Variants in TBCD observed in about 807,000 individuals in gnomAD.
The protein encoded by TBCD is tubulin folding cofactor D.
A neutral mutation model predicts 169.3 loss-of-function variants in TBCD; 105 were observed. That is an observed-to-expected ratio of 0.62 (90% confidence interval 0.53 to 0.73). The LOEUF is 0.73. TBCD is among the 30% of genes least tolerant of loss of function. The pLI is 0.00. For synonymous variants in TBCD, 700 were observed against 643.9 expected (o/e 1.09, Z -1.32); for missense variants, 1,444 against 1,600.1 (o/e 0.90, Z 1.66).
chr17:82,843,031 C>T (rs565598808), intron 13 of TBCD, among the ~76,000 whole-genome samples: 30 of 152,164 alleles, frequency 2.0e-4, no homozygotes, highest in South Asian at 2.1e-4. Flanking sequence ...CCGCCCGCCT[C>T]GGCCTCCCAA....
chr17:82,859,546 A>G (rs2056594579), intron 13 of TBCD: 1 of 985,406 alleles, frequency 1.0e-6, no homozygotes. Flanking sequence ...CAGACACACA[A>G]GCTGTGACTT....
At chr17:82,937,881 C>T in intron 35 of TBCD, 168 bp from the exon 36 acceptor site, 1 of 1,518,956 alleles carries the variant, frequency 6.6e-7, no homozygotes, top group East Asian at 2.5e-5. Context: ...TGTGTAGGCA[C>T]AGTGCAGATG....
chr17:82,787,208 T>TAA (rs1313609222), intron 7 of TBCD, among the ~76,000 whole-genome samples: 22 of 152,244 alleles, frequency 1.4e-4, no homozygotes, highest in African/African-American at 5.1e-4. Flanking sequence ...TCCTGCCGTT[T>TAA]AGGGCAGAGC....
In TBCD at chr17:82,929,795, G is replaced by A. The variant is rs578098065; in HGVS notation, c.2991+295G>A. On this transcript the variant is annotated intron_variant, in intron 32 of 38. Transcript: ENST00000355528. ...CTCGGGGTTCAATCCTCCAGGACCT[G>A]TGTCTGATGCCTGCATGTGGGTACC... The A allele has an allele frequency of 6.1e-4, 331 of 540,612 alleles. 5 individuals are homozygous for A. The South Asian group carries it at 6.5e-3, about 11-fold the overall frequency. 33.5% of individuals were successfully genotyped at this position (540,612 alleles called of 1,614,324 possible). A position where few individuals can be genotyped will look rare whatever the true frequency, so the allele number is the denominator to read the frequency against.
Position 82,945,891 on chromosome 17 carries a change from A to T in TBCD, c.*3428A>T, listed in dbSNP as rs1438284572. 2.0e-5 allele frequency: 3 copies of T among 152,256 alleles called. No individual in the cohort carries two copies. The highest frequency in any genetic ancestry group is 4.4e-5 in the Non-Finnish European group (3 of 68,050). 9.4% of individuals were successfully genotyped at this position (152,256 alleles called of 1,614,324 possible). On this transcript the variant is annotated 3_prime_UTR_variant, in exon 39 of 39. Coordinates refer to ENST00000355528, the MANE Select transcript of TBCD (RefSeq NM_005993.5). ...GGAGGAATGTGGAGCAAGGGAAGCA[A>T]TAAACTGTGACCATAAAAACATAGA...
intron 11 of TBCD, among the ~76,000 whole-genome samples, chr17:82,808,660 G>A (rs2051190571): frequency 1.4e-5 from 2 of 143,104 alleles, no homozygotes; most frequent in African/African-American, 5.2e-5. Context: ...GACAAGGCAG[G>A]TGGAGGGGCT....
intron 15 of TBCD, among the ~76,000 whole-genome samples, chr17:82,887,490 C>G (rs181988395): frequency 5.9e-4 from 90 of 152,262 alleles, no homozygotes; most frequent in African/African-American, 2.1e-3. Flanking sequence ...TGGTTTGCTG[C>G]TTCTGTTGCT....
At chr17:82,753,357 G>A (rs2047217627) in intron 1 of TBCD, among the ~76,000 whole-genome samples, 1 of 151,826 alleles carries the variant, frequency 6.6e-6, no homozygotes, top group Non-Finnish European at 1.5e-5. Context: ...TGCCTCTCGT[G>A]CAGAACTGTT....
intron 13 of TBCD, chr17:82,830,445 C>T (rs1223059446): frequency 7.4e-6 from 12 of 1,612,180 alleles, no homozygotes; most frequent in Non-Finnish European, 1.0e-5. Context: ...TGCTGTCCAC[C>T]GCGCATGCGT....
chr17:82,839,372 C>T (rs1037557561), intron 13 of TBCD, among the ~76,000 whole-genome samples: 1 of 151,970 alleles, frequency 6.6e-6, no homozygotes, highest in Non-Finnish European at 1.5e-5. Context: ...ACCCTAAATT[C>T]AGCCTAATGT....
chr17:82,849,589 C>T (rs1357016781), intron 13 of TBCD, among the ~76,000 whole-genome samples: 2 of 152,186 alleles, frequency 1.3e-5, no homozygotes, highest in South Asian at 2.1e-4. Flanking sequence ...AAGTAAGAAC[C>T]GCGTGGCACT....
In TBCD at chr17:82,809,713, G is replaced by C. The variant is rs2051287469; in HGVS notation, c.1154G>C (p.Gly385Ala). 5 of 1,612,972 alleles carry C rather than the reference G, an allele frequency of 3.1e-6. No homozygotes were observed. Among genetic ancestry groups the C allele is most frequent in the Non-Finnish European group, 4.2e-6 (5 of 1,179,446 alleles). The part of the protein sequence containing the change: ...VVRWSAAKGI[G>A]RMAGRLPRAL... ...TTGCTGCGTTTCTCTTTCAGCATCG[G>C]TAGGATGGCTGGCAGGCTTCCCAGA... Residue 385 changes from glycine (G) to alanine (A), a missense_variant, in exon 12 of 39, where the codon GGT (glycine) becomes GCT (alanine). Coordinates refer to ENST00000355528, the MANE Select transcript of TBCD (RefSeq NM_005993.5).
Position 82,831,440 on chromosome 17 carries a change from T to C in TBCD, c.1318+16506T>C. ...GAGCTCTGATCTCGGGTGAGGCCAG[T>C]GACAGGTGGGAGTCTGAGACCATAG... On this transcript the variant is annotated intron_variant, in intron 13 of 38. Coordinates refer to ENST00000355528, the MANE Select transcript of TBCD (RefSeq NM_005993.5). This position sits in a 1 kb window ranked among gnomAD's most constrained non-coding sequence, Gnocchi z 4.6. The C allele has an allele frequency of 6.2e-7, 1 of 1,614,118 alleles. No individual in the cohort carries two copies. Among genetic ancestry groups the C allele is most frequent in the Admixed American group, 1.7e-5 (1 of 60,024 alleles).
chr17:82,878,092 G>A (rs1378320829), intron 14 of TBCD, among the ~76,000 whole-genome samples: 5 of 152,204 alleles, frequency 3.3e-5, no homozygotes, highest in African/African-American at 7.2e-5. Context: ...AGCATTCTCC[G>A]ATGTGAACAT....
chr17:82,830,282 C>T (rs2053361259), intron 13 of TBCD: 2 of 1,614,254 alleles, frequency 1.2e-6, no homozygotes, highest in Non-Finnish European at 1.7e-6. Context: ...TCACACTGGG[C>T]CTCTTGGCTC....
At chr17:82,777,566 C>T (rs538025943) in intron 6 of TBCD, among the ~76,000 whole-genome samples, 41 of 152,356 alleles carry the variant, frequency 2.7e-4, no homozygotes, top group Non-Finnish European at 4.4e-4. Flanking sequence ...GGGCCCTTCC[C>T]TGCCTGGCAG....
At chr17:82,821,871 T>A (rs605054) in intron 13 of TBCD, among the ~76,000 whole-genome samples, 28,699 of 152,170 alleles carry the variant, frequency 0.19, 3,018 homozygotes, top group South Asian at 0.3. Flanking sequence ...AGAAAATTTT[T>A]AAATGTATAA....
At position 82,884,232 on chromosome 17, in the gene TBCD, C is replaced by A. The variant is rs2058571448; in HGVS notation, c.1533+30C>A. ...GTTTTCTCATTTTGATATTTCCTTT[C>A]CTGAAGGTGGGGGGTGGGCCTGGTC... is the stretch of plus-strand genomic sequence containing the variant. On this transcript the variant is annotated intron_variant, in intron 15 of 38. Coordinates refer to ENST00000355528, the MANE Select transcript of TBCD (RefSeq NM_005993.5). This position sits in a 1 kb window ranked among gnomAD's most constrained non-coding sequence, Gnocchi z 4.2. 1.3e-6 allele frequency: 2 copies of A among 1,574,762 alleles called. No individual in the cohort carries two copies. Among genetic ancestry groups the A allele is most frequent in the Non-Finnish European group, 1.7e-6 (2 of 1,157,636 alleles).
chr17:82,763,819 C>A, intron 2 of TBCD, 146 bp from the exon 3 acceptor site: 1 of 685,712 alleles, frequency 1.5e-6, no homozygotes, highest in Non-Finnish European at 2.6e-6. Context: ...AGCTCATTGC[C>A]GCCTTGAAAT....
Sources: gnomAD v4.1 joint callset for allele counts (sites outside exome capture counted in the v4.1 genomes callset) on GRCh38, gnomAD v4.1.1 for gene constraint, Gnocchi (gnomAD v3.1) non-coding constraint, MANE v1.5 for transcripts, NCBI Gene and HGNC (gene_info 2026-07-23, HGNC 2026-07-21) for gene names.